Variants in RPN2 observed in about 807,000 individuals in gnomAD.
The protein encoded by RPN2 is ribophorin II, also known as dolichyl-diphosphooligosaccharide--protein glycosyltransferase subunit 2.
In RPN2, 29 loss-of-function variants were observed where a neutral mutation model predicts 71.4. The ratio of observed to expected loss-of-function variants is 0.41; its 90% confidence interval spans 0.30 to 0.55. The LOEUF is 0.55. RPN2 is among the 20% of genes least tolerant of loss of function. The pLI, the probability that RPN2 is intolerant of heterozygous loss-of-function variation, is 0.35. For synonymous variants in RPN2, 308 were observed against 305.0 expected (o/e 1.01, Z -0.10); for missense variants, 726 against 774.1 (o/e 0.94, Z 0.74).
At chr20:37,184,084 G>A (rs765483448) in intron 1 of RPN2, 96 bp from the exon 2 acceptor site, 39 of 1,450,782 alleles carry the variant, frequency 2.7e-5, no homozygotes, top group Non-Finnish European at 3.5e-5. Context: ...TTCCCCATGT[G>A]ATTTGGTTCC....
intron 4 of RPN2, among the ~76,000 whole-genome samples, chr20:37,202,530 C>T (rs1479936625): frequency 6.6e-6 from 1 of 152,178 alleles, no homozygotes; most frequent in Non-Finnish European, 1.5e-5. Flanking sequence ...GTGGAAGCAG[C>T]AATCTGTTTA....
rs767218190 is a variant in RPN2, at chr20:37,179,367, C to T, written c.11C>T (p.Pro4Leu). ...GACCTGCTCGGAGGAATGGCGCCGC[C>T]GGGTGAGGAGTTGCGCGTGGCTTTG... MAP[P>L]GSSTVFLLAL... The change falls in exon 1 of 17, where the codon CCG (proline) becomes CTG (leucine). Residue 4 changes from proline (P) to leucine (L), a missense_variant and splice_region_variant. By Grantham distance (98) the Pro-to-Leu change is moderately conservative (BLOSUM62 -3). Coordinates refer to ENST00000237530, the MANE Select transcript of RPN2 (RefSeq NM_002951.5). 7 of 1,531,940 alleles carry T rather than the reference C, an allele frequency of 4.6e-6. No homozygotes were observed. The highest frequency in any genetic ancestry group is 1.4e-5 in the African/African-American group (1 of 72,850). 94.9% of individuals were successfully genotyped at this position (1,531,940 alleles called of 1,614,324 possible). A position where few individuals can be genotyped will look rare whatever the true frequency, so the allele number is the denominator to read the frequency against.
chr20:37,207,600 A>G (rs2067547956), intron 7 of RPN2, 151 bp downstream of exon 7: 2 of 783,542 alleles, frequency 2.6e-6, no homozygotes, highest in Non-Finnish European at 4.4e-6. Flanking sequence ...GAGCCTTGAA[A>G]TGGAGACATG....
intron 2 of RPN2, among the ~76,000 whole-genome samples, chr20:37,187,775 G>A (rs1295936691): frequency 2.0e-5 from 3 of 151,758 alleles, no homozygotes; most frequent in Non-Finnish European, 4.4e-5. Flanking sequence ...TAAGTAGCTG[G>A]GATTACAGAC....
intron 7 of RPN2, among the ~76,000 whole-genome samples, chr20:37,209,235 T>G (rs2067595945): frequency 6.6e-6 from 1 of 152,264 alleles, no homozygotes; most frequent in Admixed American, 6.5e-5. Context: ...TATAGTTGAC[T>G]TTCAACAAAT....
intron 9 of RPN2, among the ~76,000 whole-genome samples, chr20:37,222,768 G>A (rs1196059158): frequency 1.3e-5 from 2 of 152,160 alleles, no homozygotes; most frequent in Non-Finnish European, 2.9e-5. Flanking sequence ...TGCATAATTT[G>A]CACATTCAAA....
intron 10 of RPN2, 38 bp from the exon 11 acceptor site, chr20:37,225,650 G>A: frequency 7.4e-7 from 1 of 1,352,560 alleles, no homozygotes; most frequent in East Asian, 2.3e-5. Context: ...GAGATATACT[G>A]ATCCTCTCTG....
intron 9 of RPN2, among the ~76,000 whole-genome samples, chr20:37,216,112 G>A (rs1442978779): frequency 6.6e-6 from 1 of 152,182 alleles, no homozygotes; most frequent in African/African-American, 2.4e-5. Context: ...GCCAAGGCAG[G>A]CGGATCACCT....
intron 5 of RPN2, 112 bp from the exon 6 acceptor site, chr20:37,204,655 G>C (rs757875106): frequency 5.5e-5 from 65 of 1,171,972 alleles, no homozygotes; most frequent in Non-Finnish European, 7.3e-5. Flanking sequence ...ATGGTCTTCA[G>C]ATTTAGAGTG....
chr20:37,196,260 G>T (rs1600758342), intron 2 of RPN2, among the ~76,000 whole-genome samples: 2 of 147,444 alleles, frequency 1.4e-5, no homozygotes, highest in Admixed American at 6.7e-5. Context: ...ACGGAGTCTC[G>T]CTCTGTCGCC....
At chr20:37,225,571 C>T in intron 10 of RPN2, 117 bp from the exon 11 acceptor site, 1 of 749,190 alleles carries the variant, frequency 1.3e-6, no homozygotes, top group Non-Finnish European at 2.4e-6. Flanking sequence ...CTGTCCACAA[C>T]AGAAGTGTTA....
intron 3 of RPN2, 116 bp downstream of exon 3, chr20:37,198,608 G>A (rs888568200): frequency 6.7e-6 from 10 of 1,489,092 alleles, no homozygotes; most frequent in Non-Finnish European, 8.9e-6. Context: ...ATTGTGAGTG[G>A]GAATTCCATT....
At chr20:37,179,702 G>A (rs1421709879) in intron 1 of RPN2, 1 of 291,110 alleles carries the variant, frequency 3.4e-6, no homozygotes, top group Non-Finnish European at 6.3e-6. Context: ...GGCGGCCTAA[G>A]GTTCTGGTCC....
intron 2 of RPN2, among the ~76,000 whole-genome samples, chr20:37,189,599 C>T (rs2067097359): frequency 6.6e-6 from 1 of 152,172 alleles, no homozygotes; most frequent in Non-Finnish European, 1.5e-5. Context: ...ACAGACGTTT[C>T]CTCATGATTA....
rs201450590 is a variant in RPN2 at position 37,207,353 on chromosome 20, T to C, written c.771T>C (p.Ser257=). ...ESLSEAFSVA[S]AAAVLSHNRY... ...TCTCCGAAGCCTTCAGCGTGGCCTC[T>C]GCAGCTGCTGTGCTCTCGCATAATC... The change falls in exon 7 of 17, where the codon TCT becomes TCC. Residue 257 remains serine, a synonymous_variant. Transcript: ENST00000237530. The C allele has an allele frequency of 1.2e-6, 2 of 1,613,984 alleles. No individual in the cohort carries two copies. Among genetic ancestry groups the C allele is most frequent in the African/African-American group, 1.3e-5 (1 of 74,946 alleles).
chr20:37,197,254 C>T (rs1371044474), intron 2 of RPN2, among the ~76,000 whole-genome samples: 2 of 152,106 alleles, frequency 1.3e-5, no homozygotes, highest in Admixed American at 1.3e-4. Context: ...AAACAGGGAA[C>T]CACTGAAGGG....
chr20:37,185,877 C>T (rs1434079009), intron 2 of RPN2, among the ~76,000 whole-genome samples: 3 of 152,218 alleles, frequency 2.0e-5, no homozygotes, highest in Admixed American at 6.5e-5. Flanking sequence ...AAAGTGAAGG[C>T]ATTGGCCAAA....
chr20:37,198,845 A>G (rs2067315058), intron 3 of RPN2, among the ~76,000 whole-genome samples: 1 of 152,154 alleles, frequency 6.6e-6, no homozygotes, highest in Admixed American at 6.5e-5. Context: ...ATAAGTAGAA[A>G]GGTAACTTGT....
Position 37,236,686 on chromosome 20 carries a change from G to C in RPN2, c.1860G>C (p.Met620Ile). The part of the protein sequence containing the change: ...GSVTFLAGNR[M>I]LAQQAVKRTA... Reference sequence around the variant, plus strand: ...TGACGTTTCTGGCTGGCAATCGGATGCTGGCCCAGCAGGCAGTCAAGAGGT... The same window carrying C: ...TGACGTTTCTGGCTGGCAATCGGATCCTGGCCCAGCAGGCAGTCAAGAGGT... Residue 620 changes from methionine to isoleucine, a missense_variant, in exon 16 of 17, where the codon ATG becomes ATC. Met to Ile is a conservative substitution (Grantham distance 10). Transcript: ENST00000237530. 6.2e-7 allele frequency: 1 copy of C among 1,614,154 alleles called. No individual in the cohort carries two copies. Among genetic ancestry groups the C allele is most frequent in the South Asian group, 1.1e-5 (1 of 91,082 alleles).
Sources: allele counts gnomAD v4.1 joint callset (sites outside exome capture counted in the v4.1 genomes callset), GRCh38; gene constraint gnomAD v4.1.1; transcripts MANE v1.5; gene names NCBI Gene and HGNC (gene_info 2026-07-23, HGNC 2026-07-21).